The following SH3BGRL2 variants were observed in gnomAD, a reference collection of about 807,000 sequenced individuals.
The protein encoded by SH3BGRL2 is SH3 domain-binding glutamic acid-rich-like protein 2.
Under a neutral mutation model 14.8 loss-of-function variants are expected in SH3BGRL2, and 21 were observed. The observed-to-expected ratio is 1.42, with a 90% CI of 1.01 to 2.05. SH3BGRL2 has a LOEUF of 2.05. Among genes scored for constraint, SH3BGRL2 ranks in the 30% most tolerant of loss-of-function variants. SH3BGRL2 has a pLI of 0.00. For synonymous variants in SH3BGRL2, 50 were observed against 47.8 expected (o/e 1.05, Z -0.19); for missense variants, 147 against 130.8 (o/e 1.12, Z -0.61).
chr6:79,576,358 G>C, the SH3BGRL2 span, among the ~76,000 whole-genome samples: 1 of 151,976 alleles, frequency 6.6e-6, no homozygotes, highest in Admixed American at 6.6e-5. Flanking sequence ...TTTGTTAGTG[G>C]TAAAGGCTCT....
At chr6:79,680,513 T>C (rs1769967890) in intron 2 of SH3BGRL2, among the ~76,000 whole-genome samples, 2 of 152,170 alleles carry the variant, frequency 1.3e-5, no homozygotes, top group Non-Finnish European at 2.9e-5. Flanking sequence ...AAAGCATAAG[T>C]CCTTTAACTT....
the SH3BGRL2 span, among the ~76,000 whole-genome samples, chr6:79,577,603 A>G: frequency 6.6e-6 from 1 of 152,132 alleles, no homozygotes; most frequent in Non-Finnish European, 1.5e-5. Flanking sequence ...AATAAAGACA[A>G]AAAAAATAAA....
rs951749480 is a variant in SH3BGRL2 at position 79,649,964 on chromosome 6, T to C, written c.45+18458T>C. Among the ~76,000 whole-genome samples the C allele has an allele frequency of 5.1e-5, 7 of 136,904 alleles. No homozygotes were observed. In the East Asian group the frequency reaches 6.3e-4, roughly 12 times the overall value. 89.8% of individuals were successfully genotyped at this position (136,904 alleles called of 152,430 possible). On this transcript the variant is annotated intron_variant, in intron 1 of 3. Coordinates refer to ENST00000369838, the MANE Select transcript of SH3BGRL2 (RefSeq NM_031469.4). ...TTGTTATTTTTAATGCTAGTTCTTA[T>C]GTACTCTCTCTCTCTCTCTCTCACA...
the SH3BGRL2 span, among the ~76,000 whole-genome samples, chr6:79,581,789 A>G: frequency 5.5e-4 from 83 of 152,230 alleles, 2 homozygotes; most frequent in East Asian, 7.3e-3. Flanking sequence ...GGCCAGGGCA[A>G]TCAGGCAAGA....
chr6:79,553,710 G>A, the SH3BGRL2 span, among the ~76,000 whole-genome samples: 4 of 152,062 alleles, frequency 2.6e-5, no homozygotes, highest in Non-Finnish European at 4.4e-5. Flanking sequence ...GGTGGCTCAC[G>A]CCTGTAATCC....
chr6:79,677,098 A>G (rs937177161), intron 2 of SH3BGRL2, among the ~76,000 whole-genome samples: 2 of 152,174 alleles, frequency 1.3e-5, no homozygotes, highest in African/African-American at 2.4e-5. Context: ...TGACTTTGAC[A>G]TAAGCATTAG....
intron 1 of SH3BGRL2, among the ~76,000 whole-genome samples, chr6:79,661,001 A>T (rs1769534815): frequency 1.3e-5 from 2 of 151,950 alleles, no homozygotes; most frequent in African/African-American, 4.8e-5. Flanking sequence ...TTTATCTTTT[A>T]TTGCATCTAT....
chr6:79,590,284 G>A, the SH3BGRL2 span, among the ~76,000 whole-genome samples: 1 of 151,614 alleles, frequency 6.6e-6, no homozygotes, highest in African/African-American at 2.4e-5. Context: ...TCCCATTACT[G>A]GGTATATGCC....
At chr6:79,655,775 A>T (rs1769397749) in intron 1 of SH3BGRL2, among the ~76,000 whole-genome samples, 1 of 152,178 alleles carries the variant, frequency 6.6e-6, no homozygotes, top group South Asian at 2.1e-4. Context: ...CATTTTTATG[A>T]CTGGATAATG....
At chr6:79,626,248 T>C in the SH3BGRL2 span, among the ~76,000 whole-genome samples, 1 of 152,176 alleles carries the variant, frequency 6.6e-6, no homozygotes, top group Non-Finnish European at 1.5e-5. Flanking sequence ...CAACACTCTG[T>C]CTCTAAATAA....
rs1770455631 is a variant in SH3BGRL2, at chr6:79,701,522, A to C, written c.*2013A>C. The C allele has an allele frequency of 6.6e-6, 1 of 151,926 alleles. No individual in the cohort carries two copies. The highest frequency in any genetic ancestry group is 1.5e-5 in the Non-Finnish European group (1 of 67,988). 9.4% of individuals were successfully genotyped at this position (151,926 alleles called of 1,614,324 possible). On this transcript the variant is annotated 3_prime_UTR_variant, in exon 4 of 4. Coordinates refer to ENST00000369838, the MANE Select transcript of SH3BGRL2 (RefSeq NM_031469.4). The stretch of plus-strand genomic sequence containing the variant: ...ATAATTTTTGAGTTAACCGTAGTAT[A>C]CCTATTATGATTATAGTAAACAGAC...
At chr6:79,662,473 C>T (rs1769571552) in intron 1 of SH3BGRL2, among the ~76,000 whole-genome samples, 1 of 152,088 alleles carries the variant, frequency 6.6e-6, no homozygotes, top group Admixed American at 6.6e-5. Context: ...GACTATTGGC[C>T]CCCACTCTCA....
chr6:79,572,688 A>T, the SH3BGRL2 span, among the ~76,000 whole-genome samples: 2 of 152,060 alleles, frequency 1.3e-5, no homozygotes, highest in Non-Finnish European at 2.9e-5. Context: ...GATGGTCTCG[A>T]TCTCCTGACC....
At chr6:79,627,069 T>C (rs1768746423), upstream of SH3BGRL2, among the ~76,000 whole-genome samples, 1 of 152,148 alleles carries the variant, frequency 6.6e-6, no homozygotes, top group Admixed American at 6.6e-5. Flanking sequence ...CACTACATAG[T>C]GACTCTATTT....
chr6:79,598,849 G>A, the SH3BGRL2 span, among the ~76,000 whole-genome samples: 1 of 151,924 alleles, frequency 6.6e-6, no homozygotes, highest in Non-Finnish European at 1.5e-5. Context: ...TTGGGAGGCC[G>A]AGGTGGGCGG....
At chr6:79,622,163 C>T in the SH3BGRL2 span, among the ~76,000 whole-genome samples, 1 of 152,150 alleles carries the variant, frequency 6.6e-6, no homozygotes, top group Non-Finnish European at 1.5e-5. Flanking sequence ...ACCAAACCTG[C>T]AGCTGCATGT....
chr6:79,627,973 T>G (rs1034312234), upstream of SH3BGRL2, among the ~76,000 whole-genome samples: 1 of 152,166 alleles, frequency 6.6e-6, no homozygotes, highest in Non-Finnish European at 1.5e-5. Context: ...TAACTGAAAT[T>G]TACCAATTCC....
At chr6:79,698,246 A>G (rs1770373327) in intron 3 of SH3BGRL2, among the ~76,000 whole-genome samples, 1 of 152,204 alleles carries the variant, frequency 6.6e-6, no homozygotes, top group Admixed American at 6.5e-5. Context: ...GGGCTTTAAA[A>G]GCTAATAGTA....
At chr6:79,671,227 G>A (rs1309860590) in intron 1 of SH3BGRL2, among the ~76,000 whole-genome samples, 2 of 152,140 alleles carry the variant, frequency 1.3e-5, no homozygotes, top group Non-Finnish European at 2.9e-5. Context: ...AGCACTTTGC[G>A]AGGCCGAGGC....
Sources: allele counts gnomAD v4.1 joint callset (sites outside exome capture counted in the v4.1 genomes callset), GRCh38; gene constraint gnomAD v4.1.1; transcripts MANE v1.5; gene names NCBI Gene and HGNC (gene_info 2026-07-23, HGNC 2026-07-21).